Variants in CNTNAP5 observed in about 807,000 individuals in gnomAD.
CNTNAP5 encodes contactin associated protein family member 5.
In CNTNAP5, 72 loss-of-function variants were observed where a neutral mutation model predicts 150.2. That is an observed-to-expected ratio of 0.48 (90% CI 0.40 to 0.58). The LOEUF (loss-of-function observed/expected upper bound fraction) is 0.58, where lower values mean the gene tolerates loss of function less well. Ranked by LOEUF, CNTNAP5 falls within the 20% of genes least tolerant of loss-of-function variation. The pLI, the probability that CNTNAP5 is intolerant of heterozygous loss-of-function variation, is 0.00. For missense variants in CNTNAP5, 1,636 were observed against 1,626.2 expected (o/e 1.01, Z -0.10); for synonymous variants, 672 against 619.8 (o/e 1.08, Z -1.25).
intron 3 of CNTNAP5, among the ~76,000 whole-genome samples, chr2:124,265,886 T>A (rs1204062961): frequency 6.6e-6 from 1 of 151,746 alleles, no homozygotes; most frequent in Non-Finnish European, 1.5e-5. Context: ...AAGTCAAACC[T>A]CCAAGCGGAT....
chr2:124,685,142 AT>A (rs1679162183), intron 13 of CNTNAP5, among the ~76,000 whole-genome samples: 1 of 152,116 alleles, frequency 6.6e-6, no homozygotes, highest in Non-Finnish European at 1.5e-5. Context: ...CAAAATGTAA[AT>A]TGCTTGTGAG....
intron 1 of CNTNAP5, among the ~76,000 whole-genome samples, chr2:124,041,985 C>T (rs1681386149): frequency 6.6e-6 from 1 of 152,102 alleles, no homozygotes; most frequent in Non-Finnish European, 1.5e-5. Context: ...CCTCAGCCTC[C>T]GAATAGCTGG....
At chr2:124,064,636 T>C (rs1682106966) in intron 1 of CNTNAP5, among the ~76,000 whole-genome samples, 1 of 152,176 alleles carries the variant, frequency 6.6e-6, no homozygotes. Flanking sequence ...TCATTGCTTT[T>C]TGATAAAGTC....
At chr2:124,475,348 A>G (rs1200025309) in intron 7 of CNTNAP5, among the ~76,000 whole-genome samples, 1 of 152,110 alleles carries the variant, frequency 6.6e-6, no homozygotes, top group Non-Finnish European at 1.5e-5. Flanking sequence ...CATATTGACA[A>G]ATTAAATGAT....
At position 124,474,796 on chromosome 2, in the gene CNTNAP5, TTCCATGGATGCA is replaced by T; in HGVS notation, c.979_990del (p.His327_Ile330del). ...ACCTGGGACCTTTTTAAAGAAAAAC[TTCCATGGATGCA>T]TCGAAAACCTTTACTACAATGGAGT... On this transcript the variant is annotated inframe_deletion, in exon 7 of 24. Transcript: ENST00000682447. 6.2e-7 allele frequency: 1 copy of T among 1,603,370 alleles called. No homozygotes were observed. Among genetic ancestry groups the T allele is most frequent in the Non-Finnish European group, 8.5e-7 (1 of 1,176,228 alleles).
chr2:124,472,628 C>T (rs1488321523), intron 6 of CNTNAP5, among the ~76,000 whole-genome samples: 3 of 150,992 alleles, frequency 2.0e-5, no homozygotes, highest in African/African-American at 4.9e-5. Context: ...TTGTGGATTC[C>T]GTTCCAGACG....
intron 19 of CNTNAP5, among the ~76,000 whole-genome samples, chr2:124,802,157 T>A (rs1182958866): frequency 6.6e-6 from 1 of 152,170 alleles, no homozygotes; most frequent in Non-Finnish European, 1.5e-5. Context: ...GCACTCTGGG[T>A]TAAGAAGTCA....
chr2:124,839,658 A>G (rs1682902509), intron 19 of CNTNAP5, among the ~76,000 whole-genome samples: 1 of 152,090 alleles, frequency 6.6e-6, no homozygotes, highest in Non-Finnish European at 1.5e-5. Flanking sequence ...TCTGTTCTTA[A>G]GAACATTTAC....
At chr2:124,643,128 G>T (rs942883674) in intron 12 of CNTNAP5, among the ~76,000 whole-genome samples, 2 of 152,208 alleles carry the variant, frequency 1.3e-5, no homozygotes, top group African/African-American at 4.8e-5. Context: ...GAACCAGAAT[G>T]CTTAGTGAAG....
chr2:124,491,892 G>A (rs1694037931), intron 7 of CNTNAP5, among the ~76,000 whole-genome samples: 1 of 151,914 alleles, frequency 6.6e-6, no homozygotes, highest in African/African-American at 2.4e-5. Context: ...CCACTTCAAT[G>A]TCCTCTTTGG....
intron 3 of CNTNAP5, among the ~76,000 whole-genome samples, chr2:124,295,428 A>G (rs1180870700): frequency 6.6e-6 from 1 of 152,202 alleles, no homozygotes; most frequent in Admixed American, 6.5e-5. Flanking sequence ...GTACAATATT[A>G]TTTGAGAAAT....
intron 12 of CNTNAP5, among the ~76,000 whole-genome samples, chr2:124,636,033 C>T (rs546049860): frequency 1.3e-5 from 2 of 152,186 alleles, no homozygotes; most frequent in Non-Finnish European, 2.9e-5. Context: ...GTTTTGCTCT[C>T]CCTCTTTAGA....
intron 1 of CNTNAP5, among the ~76,000 whole-genome samples, chr2:124,162,547 A>C (rs1049566866): frequency 4.6e-5 from 7 of 152,148 alleles, no homozygotes; most frequent in African/African-American, 1.7e-4. Context: ...CTTATCATTG[A>C]TTTGGGAAAG....
intron 19 of CNTNAP5, among the ~76,000 whole-genome samples, chr2:124,863,385 C>A (rs1229690686): frequency 1.3e-5 from 2 of 152,208 alleles, no homozygotes; most frequent in Non-Finnish European, 2.9e-5. Flanking sequence ...CCTACCAGCT[C>A]CTGTCTGCAC....
intron 21 of CNTNAP5, among the ~76,000 whole-genome samples, chr2:124,885,367 A>C (rs1212959038): frequency 6.6e-6 from 1 of 152,038 alleles, no homozygotes; most frequent in South Asian, 2.1e-4. Flanking sequence ...TGATTGAATA[A>C]GTAGGGACTA....
intron 7 of CNTNAP5, among the ~76,000 whole-genome samples, chr2:124,498,982 T>C (rs975623624): frequency 1.3e-5 from 2 of 152,122 alleles, no homozygotes; most frequent in Admixed American, 6.5e-5. Context: ...CCTCTAGAAT[T>C]GACTTACCTC....
rs540223402 is a variant in CNTNAP5, at chr2:124,223,147, A to G, written c.187+1338A>G. Among the ~76,000 whole-genome samples, 51 of 152,286 alleles carry G rather than the reference A, an allele frequency of 3.3e-4. No homozygotes were observed. In the South Asian group the frequency reaches 0.01, roughly 31 times the overall value. On this transcript the variant is annotated intron_variant, in intron 2 of 23. Coordinates refer to ENST00000682447, the MANE Select transcript of CNTNAP5 (RefSeq NM_001367498.1). ...AGGGTTCCTGAGGCATCAGTTTCCC[A>G]AGACAGAAAAACTAGTCTGGGGAAA...
chr2:124,899,568 C>T (rs894078375), intron 21 of CNTNAP5, among the ~76,000 whole-genome samples: 2 of 151,516 alleles, frequency 1.3e-5, no homozygotes, highest in Non-Finnish European at 2.9e-5. Context: ...AAGGCAGTGA[C>T]AAGACTTTTG....
At chr2:124,221,539 G>C (rs1161422426) in intron 1 of CNTNAP5, among the ~76,000 whole-genome samples, 166 bp from the exon 2 acceptor site, 1 of 152,084 alleles carries the variant, frequency 6.6e-6, no homozygotes, top group African/African-American at 2.4e-5. Flanking sequence ...CTTCAGGGGT[G>C]CTGTGAGGAG....
Sources: allele counts gnomAD v4.1 joint callset (sites outside exome capture counted in the v4.1 genomes callset), GRCh38; gene constraint gnomAD v4.1.1; transcripts MANE v1.5; gene names NCBI Gene and HGNC (gene_info 2026-07-23, HGNC 2026-07-21).